DENND1A: variants seen among roughly 807,000 people sequenced by gnomAD.
The protein encoded by DENND1A is DENN domain-containing protein 1A.
In DENND1A, 51 loss-of-function variants were observed where a neutral mutation model predicts 113.7. That is an observed-to-expected ratio of 0.45 (90% CI 0.36 to 0.57). The LOEUF (loss-of-function observed/expected upper bound fraction) is 0.57. Ranked by LOEUF, DENND1A falls within the 20% of genes least tolerant of loss-of-function variation. The pLI, the probability that DENND1A is intolerant of heterozygous loss-of-function variation, is 0.00. For synonymous variants in DENND1A, 565 were observed against 570.8 expected, an observed-to-expected ratio of 0.99 and a Z score of 0.14; for missense variants, 1,258 against 1,395.9, an observed-to-expected ratio of 0.90 and a Z score of 1.57.
intron 13 of DENND1A, among the ~76,000 whole-genome samples, chr9:123,491,092 A>C (rs2051331834): frequency 6.6e-6 from 1 of 152,240 alleles, no homozygotes; most frequent in African/African-American, 2.4e-5. Context: ...TCCTTCTAGC[A>C]CTAGTGGGGA....
intron 4 of DENND1A, among the ~76,000 whole-genome samples, chr9:123,765,882 T>C (rs1331971236): frequency 6.6e-6 from 1 of 152,206 alleles, no homozygotes; most frequent in Non-Finnish European, 1.5e-5. Flanking sequence ...GGATTAGGAA[T>C]AGAGTACCAG....
chr9:123,734,628 A>G (rs533769269), intron 5 of DENND1A, among the ~76,000 whole-genome samples: 6 of 152,312 alleles, frequency 3.9e-5, no homozygotes, highest in African/African-American at 1.2e-4. Flanking sequence ...TACTGACAAT[A>G]TCAGCTAATA....
At chr9:123,626,101 C>T (rs1031156350) in intron 10 of DENND1A, among the ~76,000 whole-genome samples, 1 of 152,042 alleles carries the variant, frequency 6.6e-6, no homozygotes, top group African/African-American at 2.4e-5. Context: ...ACAATTTGCC[C>T]AGGCTGGTCT....
At chr9:123,741,330 G>A (rs948052731) in intron 5 of DENND1A, among the ~76,000 whole-genome samples, 3 of 152,232 alleles carry the variant, frequency 2.0e-5, no homozygotes, top group Middle Eastern at 3.4e-3. Flanking sequence ...GGATATGATC[G>A]GATATCTCAG....
chr9:123,429,061 A>C (rs771013756), intron 19 of DENND1A, among the ~76,000 whole-genome samples: 1 of 152,232 alleles, frequency 6.6e-6, no homozygotes, highest in Non-Finnish European at 1.5e-5. Context: ...ATATAGAACC[A>C]AAAAAGAGCC....
At chr9:123,681,634 AAACTGG>A (rs1185100255) in intron 5 of DENND1A, among the ~76,000 whole-genome samples, 1 of 152,188 alleles carries the variant, frequency 6.6e-6, no homozygotes, top group Non-Finnish European at 1.5e-5. Context: ...CCACGGTGTC[AAACTGG>A]AACTGAATGT....
intron 13 of DENND1A, among the ~76,000 whole-genome samples, chr9:123,552,660 G>A (rs558784606): frequency 9.8e-5 from 15 of 152,360 alleles, no homozygotes; most frequent in Admixed American, 3.9e-4. Context: ...GCTGCCCTGC[G>A]TGGCGTTCAC....
At chr9:123,521,513 T>A (rs528581066) in intron 13 of DENND1A, among the ~76,000 whole-genome samples, 1 of 152,334 alleles carries the variant, frequency 6.6e-6, no homozygotes, top group Non-Finnish European at 1.5e-5. Context: ...TGGTATAGCA[T>A]CAGTGTTCCA....
At chr9:123,867,633 A>T (rs1007053455) in intron 2 of DENND1A, among the ~76,000 whole-genome samples, 1 of 152,148 alleles carries the variant, frequency 6.6e-6, no homozygotes, top group African/African-American at 2.4e-5. Context: ...CCCTTCCTCC[A>T]GTAATAGCAC....
intron 8 of DENND1A, among the ~76,000 whole-genome samples, chr9:123,666,343 C>T (rs1027315606): frequency 1.4e-4 from 21 of 152,292 alleles, no homozygotes; most frequent in African/African-American, 4.8e-4. Flanking sequence ...CTAGATATGT[C>T]ATTCAGCTTG....
intron 21 of DENND1A, among the ~76,000 whole-genome samples, chr9:123,394,706 T>A (rs1261334273): frequency 6.6e-6 from 1 of 152,176 alleles, no homozygotes; most frequent in African/African-American, 2.4e-5. Context: ...GACACTCACA[T>A]AGGCAGTGGC....
intron 1 of DENND1A, among the ~76,000 whole-genome samples, chr9:123,887,422 G>C (rs556129294): frequency 6.6e-6 from 1 of 152,216 alleles, no homozygotes; most frequent in South Asian, 2.1e-4. Context: ...AACCTGGTGT[G>C]GGAAGTCAGA....
At chr9:123,533,050 G>C (rs1162820652) in intron 13 of DENND1A, among the ~76,000 whole-genome samples, 1 of 152,200 alleles carries the variant, frequency 6.6e-6, no homozygotes, top group Non-Finnish European at 1.5e-5. Context: ...CAGGGTTACA[G>C]CTTAATGTAT....
intron 13 of DENND1A, among the ~76,000 whole-genome samples, chr9:123,518,134 G>A (rs1210047946): frequency 6.6e-6 from 1 of 152,088 alleles, no homozygotes; most frequent in African/African-American, 2.4e-5. Context: ...TCACCTACAC[G>A]GGGTAGATTT....
At chr9:123,630,956 A>G (rs967083901) in intron 9 of DENND1A, among the ~76,000 whole-genome samples, 1 of 152,236 alleles carries the variant, frequency 6.6e-6, no homozygotes, top group Non-Finnish European at 1.5e-5. Context: ...ATTCTTAGAA[A>G]AAATATCTTT....
intron 1 of DENND1A, among the ~76,000 whole-genome samples, chr9:123,880,971 G>A (rs1848236545): frequency 6.6e-6 from 1 of 152,022 alleles, no homozygotes; most frequent in South Asian, 2.1e-4. Flanking sequence ...CCTTAGGAGG[G>A]GAAAGAAAAA....
chr9:123,721,976 T>C (rs1425814008), intron 5 of DENND1A, among the ~76,000 whole-genome samples: 2 of 152,076 alleles, frequency 1.3e-5, no homozygotes, highest in African/African-American at 4.8e-5. Flanking sequence ...CTGGAACAGT[T>C]TGGAGGGCTC....
chr9:123,565,318 A>C (rs1177859139), intron 12 of DENND1A, among the ~76,000 whole-genome samples: 1 of 152,088 alleles, frequency 6.6e-6, no homozygotes, highest in Non-Finnish European at 1.5e-5. Flanking sequence ...TATTAGACTG[A>C]CCAGTCTAGG....
intron 2 of DENND1A, among the ~76,000 whole-genome samples, chr9:123,854,231 C>T (rs1349401152): frequency 6.6e-6 from 1 of 152,204 alleles, no homozygotes; most frequent in Non-Finnish European, 1.5e-5. Flanking sequence ...TGGCAACATT[C>T]ATCCTAGCCC....
Sources: allele counts gnomAD v4.1 joint callset (sites outside exome capture counted in the v4.1 genomes callset), GRCh38; gene constraint gnomAD v4.1.1; transcripts MANE v1.5; gene names NCBI Gene and HGNC (gene_info 2026-07-23, HGNC 2026-07-21).